Variants in ESRRG observed in about 807,000 individuals in gnomAD.
ESRRG encodes the protein estrogen-related receptor gamma.
ESRRG carries 13 observed loss-of-function variants against 44.0 expected under a neutral mutation model. That is an observed-to-expected ratio of 0.30 (90% CI 0.19 to 0.47). The LOEUF (loss-of-function observed/expected upper bound fraction) is 0.47. Among genes scored for constraint, ESRRG ranks in the 20% least tolerant of loss-of-function variants. The probability of loss-of-function intolerance (pLI) is 1.00; values close to 1 mark genes in which losing one functional copy is unlikely to be tolerated. For synonymous variants in ESRRG, 215 were observed against 214.6 expected, an observed-to-expected ratio of 1.00 and a Z score of -0.02; for missense variants, 395 against 580.6, an observed-to-expected ratio of 0.68 and a Z score of 3.29.
At chr1:216,670,296 T>C (rs529833297) in intron 2 of ESRRG, among the ~76,000 whole-genome samples, 1 of 152,354 alleles carries the variant, frequency 6.6e-6, no homozygotes, top group Non-Finnish European at 1.5e-5. Flanking sequence ...GAAGGAGTCA[T>C]ACAATTCAGT....
chr1:216,650,631 T>C (rs1315721164), intron 3 of ESRRG, among the ~76,000 whole-genome samples: 2 of 152,084 alleles, frequency 1.3e-5, no homozygotes, highest in Non-Finnish European at 2.9e-5. Flanking sequence ...TCTGCAAACC[T>C]AGTAATGAGA....
chr1:216,679,039 T>A (rs2076577404), intron 1 of ESRRG, among the ~76,000 whole-genome samples: 1 of 152,188 alleles, frequency 6.6e-6, no homozygotes. Context: ...GAGGCAAGAT[T>A]TGCCTCTTAC....
chr1:216,963,474 A>G (rs1016205497), intron 1 of ESRRG, among the ~76,000 whole-genome samples: 2 of 152,158 alleles, frequency 1.3e-5, no homozygotes, highest in African/African-American at 4.8e-5. Flanking sequence ...GGCTTAAACC[A>G]TGTTTCCTGA....
chr1:216,958,409 G>A (rs1419056325), intron 1 of ESRRG, among the ~76,000 whole-genome samples: 1 of 152,050 alleles, frequency 6.6e-6, no homozygotes, highest in Admixed American at 6.6e-5. Context: ...TTCAGATTAC[G>A]CTACATACTT....
intron 2 of ESRRG, among the ~76,000 whole-genome samples, chr1:216,788,186 A>G (rs1440186747): frequency 6.6e-6 from 1 of 152,168 alleles, no homozygotes; most frequent in Non-Finnish European, 1.5e-5. Flanking sequence ...TTCAATGTAG[A>G]TGAAGCAGTC....
chr1:216,634,678 C>T (rs574564258), intron 3 of ESRRG, among the ~76,000 whole-genome samples: 1 of 152,212 alleles, frequency 6.6e-6, no homozygotes, highest in South Asian at 2.1e-4. Context: ...GAGCAGACTG[C>T]CCAGGGGGGA....
At chr1:216,941,399 C>G (rs544549629) in intron 1 of ESRRG, among the ~76,000 whole-genome samples, 1 of 152,048 alleles carries the variant, frequency 6.6e-6, no homozygotes, top group African/African-American at 2.4e-5. Context: ...CCAGTGTGGC[C>G]GTAGATTTCA....
intron 2 of ESRRG, among the ~76,000 whole-genome samples, chr1:216,786,706 A>C (rs551517847): frequency 5.6e-4 from 85 of 152,298 alleles, no homozygotes; most frequent in African/African-American, 2.0e-3. Flanking sequence ...TGTGCTTTGC[A>C]CTAATATCAT....
chr1:216,568,884 G>C (rs2060162666), intron 3 of ESRRG, among the ~76,000 whole-genome samples: 1 of 151,902 alleles, frequency 6.6e-6, no homozygotes, highest in African/African-American at 2.4e-5. Flanking sequence ...AAGAAACCCT[G>C]TCTCTACTAA....
intron 1 of ESRRG, among the ~76,000 whole-genome samples, chr1:216,952,463 C>G (rs2067139939): frequency 6.6e-6 from 1 of 152,082 alleles, no homozygotes; most frequent in South Asian, 2.1e-4. Flanking sequence ...TATTGCATTC[C>G]TGAATCTTAC....
chr1:217,080,924 G>T (rs894888306), intron 1 of ESRRG, among the ~76,000 whole-genome samples: 7 of 151,826 alleles, frequency 4.6e-5, no homozygotes, highest in Admixed American at 3.9e-4. Context: ...TGATCCGCCC[G>T]CCTCGGCCTG....
chr1:216,693,938 C>T, intron 1 of ESRRG, among the ~76,000 whole-genome samples: 1 of 152,142 alleles, frequency 6.6e-6, no homozygotes, highest in East Asian at 1.9e-4. Context: ...TCACACATTT[C>T]CTAAATAAAA....
chr1:216,916,198 G>T (rs142464232), intron 2 of ESRRG, among the ~76,000 whole-genome samples: 1 of 152,170 alleles, frequency 6.6e-6, no homozygotes, highest in South Asian at 2.1e-4. Context: ...CACTTCAAAC[G>T]TGGACTTGCC....
chr1:216,570,867 A>G (rs931418700), intron 3 of ESRRG, among the ~76,000 whole-genome samples: 3 of 152,198 alleles, frequency 2.0e-5, no homozygotes, highest in African/African-American at 7.2e-5. Flanking sequence ...CATGCTTGTC[A>G]AGGAATGTAT....
chr1:217,001,212 C>CT (rs957006065), intron 1 of ESRRG, among the ~76,000 whole-genome samples: 17 of 152,010 alleles, frequency 1.1e-4, no homozygotes, highest in East Asian at 1.9e-4. Flanking sequence ...TTCTTCGGTT[C>CT]TTTTTTTTAT....
intron 5 of ESRRG, among the ~76,000 whole-genome samples, chr1:216,559,299 C>T (rs1027240637): frequency 4.6e-5 from 7 of 152,102 alleles, no homozygotes; most frequent in African/African-American, 1.4e-4. Flanking sequence ...AGGTTACATA[C>T]ACAAAAGAAA....
At chr1:216,967,375 G>A (rs1242984099) in intron 1 of ESRRG, among the ~76,000 whole-genome samples, 1 of 152,044 alleles carries the variant, frequency 6.6e-6, no homozygotes, top group Non-Finnish European at 1.5e-5. Context: ...AAAATCCTCC[G>A]CAGCTCACCT....
intron 2 of ESRRG, among the ~76,000 whole-genome samples, chr1:216,868,894 G>T (rs1188425233): frequency 6.6e-6 from 1 of 151,910 alleles, no homozygotes; most frequent in Non-Finnish European, 1.5e-5. Flanking sequence ...CAAGTCTTTT[G>T]CACATTTTAA....
chr1:217,130,945 A>C (rs147195226), intron 1 of ESRRG, among the ~76,000 whole-genome samples: 1 of 152,196 alleles, frequency 6.6e-6, no homozygotes, highest in Non-Finnish European at 1.5e-5. Flanking sequence ...AAATAAATGG[A>C]TCAGTAGAAT....
Sources: allele counts gnomAD v4.1 joint callset (sites outside exome capture counted in the v4.1 genomes callset), GRCh38; gene constraint gnomAD v4.1.1; transcripts MANE v1.5; gene names NCBI Gene and HGNC (gene_info 2026-07-23, HGNC 2026-07-21).